Variants in THSD7B observed in about 807,000 individuals in gnomAD.
THSD7B encodes the protein thrombospondin type-1 domain-containing protein 7B.
THSD7B carries 138 observed loss-of-function variants against 213.6 expected under a neutral mutation model. The observed-to-expected ratio is 0.65, with a 90% CI of 0.56 to 0.74. THSD7B has a LOEUF of 0.74. Among genes scored for constraint, THSD7B ranks in the 30% least tolerant of loss-of-function variants. The pLI is 0.00. For synonymous variants in THSD7B, 742 were observed against 687.0 expected, an observed-to-expected ratio of 1.08 and a Z score of -1.25; for missense variants, 1,931 against 1,991.5, an observed-to-expected ratio of 0.97 and a Z score of 0.58.
At chr2:136,956,873 C>A (rs13392545) in intron 2 of THSD7B, among the ~76,000 whole-genome samples, 11,260 of 151,890 alleles carry the variant, frequency 0.074, 679 homozygotes, top group African/African-American at 0.16. Flanking sequence ...AGAGACGGGG[C>A]TTGACCATGT....
intron 12 of THSD7B, among the ~76,000 whole-genome samples, chr2:137,397,177 A>T (rs561410874): frequency 6.6e-6 from 1 of 151,684 alleles, no homozygotes; most frequent in South Asian, 2.1e-4. Flanking sequence ...TAAAGTTAAT[A>T]TTGTTATGTG....
chr2:137,458,072 C>A (rs927012811), intron 15 of THSD7B, among the ~76,000 whole-genome samples: 1 of 151,978 alleles, frequency 6.6e-6, no homozygotes, highest in Non-Finnish European at 1.5e-5. Context: ...TTAGAAGAAC[C>A]AAATCAGGAC....
At chr2:136,983,358 G>GACACACACACACACACACAC (rs778968995) in intron 2 of THSD7B, among the ~76,000 whole-genome samples, 3,247 of 105,042 alleles carry the variant, frequency 0.031, 105 homozygotes, top group South Asian at 0.043. Context: ...CAGACACACA[G>GACACACACACACACACACAC]ACACACACAC....
intron 2 of THSD7B, among the ~76,000 whole-genome samples, chr2:137,050,746 A>AT (rs1258254135): frequency 1.3e-5 from 2 of 152,074 alleles, no homozygotes; most frequent in African/African-American, 4.8e-5. Context: ...AATGTTTTTT[A>AT]TTTTTTTAAT....
intron 15 of THSD7B, among the ~76,000 whole-genome samples, chr2:137,517,094 A>G (rs1043403431): frequency 1.3e-5 from 2 of 152,250 alleles, no homozygotes; most frequent in Admixed American, 6.5e-5. Flanking sequence ...TTATGCAGCC[A>G]TTGACTTGGC....
At chr2:137,347,548 G>A (rs760387988) in intron 12 of THSD7B, among the ~76,000 whole-genome samples, 1 of 143,892 alleles carries the variant, frequency 6.9e-6, no homozygotes, top group Middle Eastern at 3.5e-3. Flanking sequence ...TACATTCACT[G>A]ATATTGATTT....
In THSD7B at chr2:137,657,073, T is replaced by A; in HGVS notation, c.4288T>A (p.Cys1430Ser). ...LETRPCTGGK[C>S]YHYTWKASLW... ...ATCATATTTACTTACAGGAGGCAAA[T>A]GTTATCACTACACATGGAAAGCAAG... Residue 1430 changes from cysteine (C) to serine (S), a missense_variant, in exon 24 of 28, where the codon TGT becomes AGT. Coordinates refer to ENST00000409968, the MANE Select transcript of THSD7B (RefSeq NM_001316349.2). 1 of 1,613,994 alleles carries A rather than the reference T, an allele frequency of 6.2e-7. No homozygotes were observed.
intron 7 of THSD7B, among the ~76,000 whole-genome samples, chr2:137,212,578 A>G (rs1408246886): frequency 6.6e-6 from 1 of 152,094 alleles, no homozygotes; most frequent in Non-Finnish European, 1.5e-5. Context: ...GGCTTTCAAA[A>G]TGGAATGTAT....
intron 5 of THSD7B, among the ~76,000 whole-genome samples, chr2:137,127,062 T>A (rs530824566): frequency 6.6e-6 from 1 of 152,028 alleles, no homozygotes; most frequent in African/African-American, 2.4e-5. Flanking sequence ...CTATAATATA[T>A]ATATAATAAT....
intron 2 of THSD7B, among the ~76,000 whole-genome samples, chr2:137,002,761 T>C (rs1686025650): frequency 6.6e-6 from 1 of 152,088 alleles, no homozygotes; most frequent in Admixed American, 6.6e-5. Context: ...TGTTTTCCCC[T>C]TTTTTTGCCT....
intron 1 of THSD7B, among the ~76,000 whole-genome samples, chr2:136,843,748 C>T (rs919250390): frequency 1.3e-5 from 2 of 152,120 alleles, no homozygotes; most frequent in African/African-American, 2.4e-5. Flanking sequence ...GGATGTTTCT[C>T]TGTACTGAGT....
At chr2:137,352,395 C>A (rs1373905080) in intron 12 of THSD7B, among the ~76,000 whole-genome samples, 3 of 151,946 alleles carry the variant, frequency 2.0e-5, no homozygotes, top group Non-Finnish European at 4.4e-5. Flanking sequence ...CAAGGAGGGA[C>A]AAAAACTTGT....
At chr2:137,297,263 G>T (rs182687015) in intron 12 of THSD7B, among the ~76,000 whole-genome samples, 147 of 149,456 alleles carry the variant, frequency 9.8e-4, no homozygotes, top group Non-Finnish European at 1.5e-3. Context: ...CAGCTGGGGT[G>T]ACAGAGCAAG....
intron 2 of THSD7B, among the ~76,000 whole-genome samples, chr2:136,945,380 T>C (rs7597303): frequency 0.17 from 26,212 of 152,122 alleles, 2,760 homozygotes; most frequent in East Asian, 0.44. Flanking sequence ...TAACCCCACC[T>C]TTCTCTCTGG....
chr2:137,189,448 A>G (rs551991188), intron 7 of THSD7B, among the ~76,000 whole-genome samples: 1 of 152,168 alleles, frequency 6.6e-6, no homozygotes, highest in East Asian at 1.9e-4. Context: ...GCTCTTTCTC[A>G]GGGCCTCTAG....
At chr2:136,990,761 A>G (rs554473071) in intron 2 of THSD7B, 24 of 520,750 alleles carry the variant, frequency 4.6e-5, no homozygotes, top group African/African-American at 4.0e-4. Context: ...CCCTTCTCTA[A>G]TACCTTGTTT....
At chr2:137,184,181 A>G (rs1463314695) in intron 7 of THSD7B, among the ~76,000 whole-genome samples, 1 of 152,090 alleles carries the variant, frequency 6.6e-6, no homozygotes, top group East Asian at 1.9e-4. Flanking sequence ...TTCAGGAGAG[A>G]AGGGACACTG....
At chr2:136,785,414 C>G (rs773877778) in intron 1 of THSD7B, among the ~76,000 whole-genome samples, 47 of 152,096 alleles carry the variant, frequency 3.1e-4, no homozygotes, top group Non-Finnish European at 5.1e-4. Context: ...CCACCTTGGC[C>G]ACAGCAGTGT....
chr2:137,122,337 A>C (rs185136344), intron 5 of THSD7B, among the ~76,000 whole-genome samples: 22 of 151,998 alleles, frequency 1.4e-4, no homozygotes, highest in African/African-American at 5.1e-4. Context: ...TTAGGTAAGA[A>C]GAGATTAAAC....
Sources: allele counts gnomAD v4.1 joint callset (sites outside exome capture counted in the v4.1 genomes callset), GRCh38; gene constraint gnomAD v4.1.1; transcripts MANE v1.5; gene names NCBI Gene and HGNC (gene_info 2026-07-23, HGNC 2026-07-21).